TXLNB: variants seen among roughly 807,000 people sequenced by gnomAD.
The protein encoded by TXLNB is taxilin beta, also known as beta-taxilin.
In TXLNB, 37 loss-of-function variants were observed where a neutral mutation model predicts 57.4. The ratio of observed to expected loss-of-function variants is 0.64; its 90% confidence interval spans 0.50 to 0.85. TXLNB has a LOEUF of 0.85. Among genes scored for constraint, TXLNB ranks in the 40% least tolerant of loss-of-function variants. The pLI is 0.00. For missense variants in TXLNB, 848 were observed against 825.6 expected (o/e 1.03, Z -0.33); for synonymous variants, 302 against 309.6 (o/e 0.98, Z 0.26).
chr6:139,186,584 G>T, the TXLNB span, among the ~76,000 whole-genome samples: 2 of 152,176 alleles, frequency 1.3e-5, no homozygotes, highest in Non-Finnish European at 2.9e-5. Context: ...AGTTAAACAT[G>T]TGCCTAACCT....
chr6:139,271,137 A>T (rs1355026024), intron 3 of TXLNB, among the ~76,000 whole-genome samples: 1 of 151,996 alleles, frequency 6.6e-6, no homozygotes, highest in African/African-American at 2.4e-5. Flanking sequence ...CTTCTTTATA[A>T]TGTTGGGCTC....
chr6:139,187,148 C>T, the TXLNB span, among the ~76,000 whole-genome samples: 4 of 152,002 alleles, frequency 2.6e-5, no homozygotes, highest in South Asian at 4.2e-4. Flanking sequence ...AAAAAAATAC[C>T]CTCTTCTCCC....
chr6:139,193,842 T>TA, the TXLNB span, among the ~76,000 whole-genome samples: 58 of 45,688 alleles, frequency 1.3e-3, no homozygotes, highest in Admixed American at 3.2e-3. Flanking sequence ...ATATATATAT[T>TA]TTTTTTTTTT....
the TXLNB span, among the ~76,000 whole-genome samples, chr6:139,204,827 A>G: frequency 1.3e-5 from 2 of 152,084 alleles, no homozygotes; most frequent in Non-Finnish European, 2.9e-5. Flanking sequence ...GGTGAGGCCT[A>G]TCATTCACCC....
At chr6:139,189,000 A>G in the TXLNB span, among the ~76,000 whole-genome samples, 1 of 151,972 alleles carries the variant, frequency 6.6e-6, no homozygotes, top group African/African-American at 2.4e-5. Context: ...CAGGTGATCC[A>G]CCCACCTCAG....
At chr6:139,238,231 T>TA (rs1319298681), downstream of TXLNB, among the ~76,000 whole-genome samples, 1 of 151,888 alleles carries the variant, frequency 6.6e-6, no homozygotes, top group Admixed American at 6.6e-5. Context: ...CCGTCTCTAC[T>TA]AAAAATACAA....
the TXLNB span, among the ~76,000 whole-genome samples, chr6:139,321,489 C>T: frequency 2.0e-5 from 3 of 151,738 alleles, no homozygotes; most frequent in East Asian, 1.9e-4. Flanking sequence ...TATAAAATAC[C>T]CAGTCTATGG....
intron 7 of TXLNB, among the ~76,000 whole-genome samples, chr6:139,252,310 G>A (rs1403790955): frequency 6.6e-6 from 1 of 152,254 alleles, no homozygotes; most frequent in African/African-American, 2.4e-5. Flanking sequence ...CAAAGGAAGT[G>A]TTGGAGTGTT....
In TXLNB at chr6:139,240,546, C is replaced by T. The variant is rs1419895808; in HGVS notation, c.*1980G>A. ...TACTCCATTCTTGGACGTTCTGCCT[C>T]TGCAGTGGGGAAGGAGACCCTCCTG... On this transcript the variant is annotated 3_prime_UTR_variant, in exon 10 of 10. Coordinates refer to ENST00000358430, the MANE Select transcript of TXLNB (RefSeq NM_153235.4). The T allele has an allele frequency of 6.5e-6, 1 of 152,680 alleles. No homozygotes were observed. The highest frequency in any genetic ancestry group is 6.5e-5 in the Admixed American group (1 of 15,288). The allele number at this position is 152,680 out of a possible 1,614,324, so 9.5% of individuals were successfully genotyped here.
chr6:139,287,449 T>C (rs1777202538), intron 2 of TXLNB: 1 of 152,242 alleles, frequency 6.6e-6, no homozygotes, highest in African/African-American at 2.4e-5. Context: ...TTACTGGAGT[T>C]TGAACCCAGT....
chr6:139,217,884 A>AAAAG, the TXLNB span, among the ~76,000 whole-genome samples: 1 of 151,578 alleles, frequency 6.6e-6, no homozygotes, highest in African/African-American at 2.4e-5. Flanking sequence ...AAAAAAAAAA[A>AAAAG]AAAGAAAAAG....
the TXLNB span, chr6:139,169,961 C>G: frequency 6.6e-6 from 1 of 152,212 alleles, no homozygotes; most frequent in Non-Finnish European, 1.5e-5. Context: ...CCTACAAACT[C>G]CCCGGTGCTT....
the TXLNB span, among the ~76,000 whole-genome samples, chr6:139,323,589 A>G: frequency 6.6e-6 from 1 of 152,062 alleles, no homozygotes; most frequent in African/African-American, 2.4e-5. Flanking sequence ...AGGCTTGTTT[A>G]GTTTTTTTAT....
chr6:139,167,935 G>T, the TXLNB span, among the ~76,000 whole-genome samples: 1 of 152,106 alleles, frequency 6.6e-6, no homozygotes, highest in Non-Finnish European at 1.5e-5. Context: ...ATGACACGAG[G>T]TTGGTTAGTA....
intron 7 of TXLNB, among the ~76,000 whole-genome samples, chr6:139,253,358 A>C (rs1413386017): frequency 6.6e-6 from 1 of 152,262 alleles, no homozygotes; most frequent in Non-Finnish European, 1.5e-5. Flanking sequence ...CAAGAGGTGA[A>C]GTAATACCAG....
chr6:139,209,281 T>C, the TXLNB span, among the ~76,000 whole-genome samples: 611 of 152,172 alleles, frequency 4.0e-3, 2 homozygotes, highest in Middle Eastern at 0.014. Flanking sequence ...TACAAAACAC[T>C]GCGGAAAGAA....
chr6:139,212,748 G>C, the TXLNB span, among the ~76,000 whole-genome samples: 1 of 152,104 alleles, frequency 6.6e-6, no homozygotes, highest in African/African-American at 2.4e-5. Context: ...CACATGCAGA[G>C]ACACATATAG....
chr6:139,175,380 A>T, the TXLNB span, among the ~76,000 whole-genome samples: 10 of 152,106 alleles, frequency 6.6e-5, no homozygotes, highest in Non-Finnish European at 1.5e-4. Flanking sequence ...GCATAGTTTT[A>T]TGTCTTTAGC....
intron 2 of TXLNB, among the ~76,000 whole-genome samples, chr6:139,278,765 G>T (rs1225781198): frequency 1.3e-5 from 2 of 152,206 alleles, no homozygotes; most frequent in Non-Finnish European, 2.9e-5. Flanking sequence ...CAACACTTTG[G>T]GAGGCTAAGG....
Sources: allele counts gnomAD v4.1 joint callset (sites outside exome capture counted in the v4.1 genomes callset), GRCh38; gene constraint gnomAD v4.1.1; transcripts MANE v1.5; gene names NCBI Gene and HGNC (gene_info 2026-07-23, HGNC 2026-07-21).